CPEB3: variants seen among roughly 807,000 people sequenced by gnomAD.
CPEB3 encodes cytoplasmic polyadenylation element binding protein 3, also known as cytoplasmic polyadenylation element-binding protein 3.
In CPEB3, 20 loss-of-function variants were observed where a neutral mutation model predicts 67.2. That is an observed-to-expected ratio of 0.30 (90% CI 0.21 to 0.43). CPEB3 has a LOEUF of 0.43. Ranked by LOEUF, CPEB3 falls within the 20% of genes least tolerant of loss-of-function variation. The probability of loss-of-function intolerance (pLI) is 1.00; values close to 1 mark genes in which losing one functional copy is unlikely to be tolerated. For missense variants in CPEB3, 746 were observed against 968.6 expected, an observed-to-expected ratio of 0.77 and a Z score of 3.05; for synonymous variants, 376 against 393.1, an observed-to-expected ratio of 0.96 and a Z score of 0.51.
At chr10:92,165,983 T>A (rs1247160920) in intron 4 of CPEB3, among the ~76,000 whole-genome samples, 1 of 152,232 alleles carries the variant, frequency 6.6e-6, no homozygotes, top group Non-Finnish European at 1.5e-5. Flanking sequence ...CCTCGTCCAA[T>A]GAATCACAAA....
intron 1 of CPEB3, among the ~76,000 whole-genome samples, chr10:92,266,690 A>G (rs1853072712): frequency 6.6e-6 from 1 of 152,192 alleles, no homozygotes; most frequent in African/African-American, 2.4e-5. Context: ...TAAAAGCGCT[A>G]GAAAGAACAA....
chr10:92,145,993 G>C (rs1443642675), intron 4 of CPEB3, among the ~76,000 whole-genome samples: 1 of 152,144 alleles, frequency 6.6e-6, no homozygotes, highest in East Asian at 1.9e-4. Context: ...CAATAATAAA[G>C]GACAGGGTAA....
At chr10:92,232,479 C>G (rs890652905) in intron 2 of CPEB3, among the ~76,000 whole-genome samples, 1 of 152,014 alleles carries the variant, frequency 6.6e-6, no homozygotes. Context: ...TCAAATTGGG[C>G]CAGACATGGT....
At chr10:92,280,343 C>CAAAAAAAAAAAAA (rs60338900) in intron 1 of CPEB3, among the ~76,000 whole-genome samples, 1 of 37,808 alleles carries the variant, frequency 2.6e-5, no homozygotes, top group Non-Finnish European at 4.5e-5. Context: ...AACTCCATCT[C>CAAAAAAAAAAAAA]AAAAAAAAAA....
At chr10:92,289,928 T>TGG (rs768085428) in intron 1 of CPEB3, among the ~76,000 whole-genome samples, 23 of 57,272 alleles carry the variant, frequency 4.0e-4, no homozygotes, top group Middle Eastern at 7.0e-3. Flanking sequence ...ATGTGTGTGG[T>TGG]GGGGGGGGGT....
chr10:92,081,544 G>A (rs1564762516), intron 8 of CPEB3, 43 bp from the exon 9 acceptor site: 5 of 1,542,192 alleles, frequency 3.2e-6, no homozygotes, highest in African/African-American at 1.4e-5. Context: ...AAATATCTGG[G>A]AGGTACTCTT....
chr10:92,136,065 A>G (rs752071273), intron 6 of CPEB3, among the ~76,000 whole-genome samples: 4 of 152,068 alleles, frequency 2.6e-5, no homozygotes, highest in Non-Finnish European at 5.9e-5. Flanking sequence ...ATTGTAAATG[A>G]TGAGTTAATG....
chr10:92,282,769 T>C (rs1336285089), intron 1 of CPEB3, among the ~76,000 whole-genome samples: 1 of 152,204 alleles, frequency 6.6e-6, no homozygotes, highest in Non-Finnish European at 1.5e-5. Context: ...CCTCTTAATG[T>C]CCTTTAGAGA....
intron 9 of CPEB3, among the ~76,000 whole-genome samples, chr10:92,080,473 T>G (rs1213549025): frequency 6.6e-6 from 1 of 152,026 alleles, no homozygotes; most frequent in African/African-American, 2.4e-5. Flanking sequence ...CAATGAACAG[T>G]GTGGCAGGTA....
At chr10:92,163,738 T>C (rs1338734672) in intron 4 of CPEB3, among the ~76,000 whole-genome samples, 1 of 152,216 alleles carries the variant, frequency 6.6e-6, no homozygotes, top group African/African-American at 2.4e-5. Context: ...TTTAACCCAA[T>C]GTTTGATGTT....
At chr10:92,139,004 A>G (rs987199920) in intron 6 of CPEB3, among the ~76,000 whole-genome samples, 2 of 152,192 alleles carry the variant, frequency 1.3e-5, no homozygotes, top group African/African-American at 2.4e-5. Context: ...GTGACCAGGC[A>G]CGGTGGCTCA....
At chr10:92,166,347 G>A (rs976035358) in intron 4 of CPEB3, among the ~76,000 whole-genome samples, 1 of 152,076 alleles carries the variant, frequency 6.6e-6, no homozygotes, top group African/African-American at 2.4e-5. Context: ...GACCTCAGGT[G>A]ATCCACCCTC....
At chr10:92,274,888 T>C (rs1397736871) in intron 1 of CPEB3, among the ~76,000 whole-genome samples, 3 of 152,186 alleles carry the variant, frequency 2.0e-5, no homozygotes, top group African/African-American at 7.2e-5. Context: ...ATTTAAGGTA[T>C]ACTGTCCTCA....
chr10:92,199,826 A>C (rs1431649903), intron 2 of CPEB3, among the ~76,000 whole-genome samples: 2 of 152,196 alleles, frequency 1.3e-5, no homozygotes, highest in Non-Finnish European at 1.5e-5. Flanking sequence ...AAGAGCAATG[A>C]AAATGCCTTA....
chr10:92,231,783 G>A (rs534555961), intron 2 of CPEB3, among the ~76,000 whole-genome samples: 67 of 152,116 alleles, frequency 4.4e-4, no homozygotes, highest in African/African-American at 1.3e-3. Context: ...GCAATGGCGC[G>A]ATCTCGGCTC....
At chr10:92,249,531 G>A (rs1464663856) in intron 1 of CPEB3, among the ~76,000 whole-genome samples, 1 of 151,808 alleles carries the variant, frequency 6.6e-6, no homozygotes, top group Non-Finnish European at 1.5e-5. Flanking sequence ...GCCTGTAATC[G>A]CAACTACTCG....
Position 92,081,431 on chromosome 10 carries a change from C to G in CPEB3, c.1758G>C (p.Glu586Asp). Residue 586 changes from glutamate to aspartate, a missense_variant, in exon 9 of 10, where the codon GAG becomes GAC. Around this residue, in one of 2 missense-constraint regions of CPEB3, gnomAD observed 103 missense variants for 251.1 expected, o/e 0.41. Transcript: ENST00000265997. ...VCYAGIDTDP[E>D]LKYPKGAGRV... is the part of the protein sequence containing the mutation. ...GGCCAGCACCTTTGGGGTACTTCAG[C>G]TCTGGGTCCGTATCAATGCCAGCAT... 1 of 1,614,080 alleles carries G rather than the reference C, an allele frequency of 6.2e-7. No homozygotes were observed. The highest frequency in any genetic ancestry group is 8.5e-7 in the Non-Finnish European group (1 of 1,180,010).
chr10:92,082,763 A>C (rs774026997), intron 8 of CPEB3, among the ~76,000 whole-genome samples: 1 of 152,140 alleles, frequency 6.6e-6, no homozygotes, highest in Non-Finnish European at 1.5e-5. Context: ...AAGACTCAGC[A>C]CTACCCCTGG....
intron 4 of CPEB3, among the ~76,000 whole-genome samples, chr10:92,174,586 A>C (rs971507351): frequency 3.9e-5 from 6 of 152,194 alleles, no homozygotes; most frequent in Admixed American, 2.6e-4. Flanking sequence ...ATACAGAAAA[A>C]ATAAAGAAGA....
Sources: gnomAD v4.1 joint callset for allele counts (sites outside exome capture counted in the v4.1 genomes callset) on GRCh38, gnomAD v4.1.1 for gene constraint, gnomAD v4.1.1 regional missense constraint, MANE v1.5 for transcripts, NCBI Gene and HGNC (gene_info 2026-07-23, HGNC 2026-07-21) for gene names.